Variants in ZSCAN5C observed in about 807,000 individuals in gnomAD.
ZSCAN5C encodes the protein zinc finger and SCAN domain containing 5C.
ZSCAN5C carries 11 observed loss-of-function variants against 17.3 expected under a neutral mutation model. The observed-to-expected ratio is 0.64, with a 90% CI of 0.40 to 1.06. ZSCAN5C has a LOEUF of 1.06. Among genes scored for constraint, ZSCAN5C ranks in the 50% least tolerant of loss-of-function variants. The pLI, the probability that ZSCAN5C is intolerant of heterozygous loss-of-function variation, is 0.00. For synonymous variants in ZSCAN5C, 229 were observed against 208.4 expected, an observed-to-expected ratio of 1.10 and a Z score of -0.85; for missense variants, 698 against 538.9, an observed-to-expected ratio of 1.30 and a Z score of -2.92.
At chr19:56,207,368 A>G (rs2032935104) in intron 3 of ZSCAN5C, 106 bp downstream of exon 3, 4 of 608,632 alleles carry the variant, frequency 6.6e-6, no homozygotes, top group South Asian at 3.9e-5. Flanking sequence ...ACAAGATTAC[A>G]GCCATTCCCC....
chr19:56,208,324 C>T, intron 4 of ZSCAN5C, 125 bp from the exon 5 acceptor site: 2 of 730,186 alleles, frequency 2.7e-6, no homozygotes, highest in East Asian at 2.5e-5. Flanking sequence ...CAGAGACCTA[C>T]AGTCCAATGT....
chr19:56,208,547 G>T lies in ZSCAN5C; in HGVS notation c.838G>T (p.Glu280Ter). ...ACCTTCTGCCTGCGTTGTGGAGAGAGAAGCTTCGACTCACAGCGGGAGCAG... is the reference window on the plus strand; with the variant it reads ...ACCTTCTGCCTGCGTTGTGGAGAGATAAGCTTCGACTCACAGCGGGAGCAG... Residue 280 changes from glutamate (E) to a stop codon, truncating the protein, a stop_gained, in exon 5 of 5, where the codon GAA becomes TAA. Transcript: ENST00000534327. LOFTEE classifies it low-confidence loss of function (END_TRUNC). The T allele has an allele frequency of 6.3e-7, 1 of 1,590,642 alleles. No individual in the cohort carries two copies. Among genetic ancestry groups the T allele is most frequent in the South Asian group, 1.1e-5 (1 of 90,612 alleles).
rs1392825893 is a variant in ZSCAN5C at position 56,205,779 on chromosome 19, C to T, written c.-127-8C>T. 2 of 581,964 alleles carry T rather than the reference C, an allele frequency of 3.4e-6. No homozygotes were observed. Among genetic ancestry groups the T allele is most frequent in the African/African-American group, 3.8e-5 (2 of 53,074 alleles). 36.1% of individuals were successfully genotyped at this position (581,964 alleles called of 1,614,324 possible). A position where few individuals can be genotyped will look rare whatever the true frequency, so the allele number is the denominator to read the frequency against. ...CTTTAACAGAGCTCATGCTTTTTTTCCCTGCAGACTTCTGAATGAACAGTG... is the reference window on the plus strand; with the variant it reads ...CTTTAACAGAGCTCATGCTTTTTTTTCCTGCAGACTTCTGAATGAACAGTG... On this transcript the variant is annotated splice_polypyrimidine_tract_variant and splice_region_variant and intron_variant, in intron 1 of 4. Coordinates refer to ENST00000534327, the Ensembl canonical transcript of ZSCAN5C.
chr19:56,207,978 A>G (rs773334024), intron 3 of ZSCAN5C, 56 bp from the exon 4 acceptor site: 15 of 676,988 alleles, frequency 2.2e-5, no homozygotes, highest in Non-Finnish European at 4.0e-5. Flanking sequence ...AAAAGCAGAC[A>G]TGTCCTTCCA....
At chr19:56,203,640 A>ATTTTTTTT (rs564406569) in intron 1 of ZSCAN5C, among the ~76,000 whole-genome samples, 1 of 86,814 alleles carries the variant, frequency 1.2e-5, no homozygotes, top group Non-Finnish European at 2.1e-5. Flanking sequence ...TCTACTGGGA[A>ATTTTTTTT]TTTTTTTTTT....
intron 2 of ZSCAN5C, among the ~76,000 whole-genome samples, chr19:56,206,625 C>A (rs549505010): frequency 8.6e-5 from 13 of 151,846 alleles, no homozygotes; most frequent in African/African-American, 3.2e-4. Context: ...GACCCACACA[C>A]TGTGTGAGGC....
At chr19:56,202,657 G>A (rs1402097594) in intron 1 of ZSCAN5C, among the ~76,000 whole-genome samples, 1 of 151,898 alleles carries the variant, frequency 6.6e-6, no homozygotes, top group African/African-American at 2.4e-5. Context: ...GGACTCAAAC[G>A]ATCCGCCTGC....
chr19:56,206,958 T>A, intron 2 of ZSCAN5C, 101 bp from the exon 3 acceptor site: 1 of 618,840 alleles, frequency 1.6e-6, no homozygotes, highest in Non-Finnish European at 2.9e-6. Flanking sequence ...GATTTGAACA[T>A]TAATTACAGT....
Position 56,205,796 on chromosome 19 carries a change from T to C in ZSCAN5C, c.-118T>C, listed in dbSNP as rs1322260633. ...CTTTTTTTCCCTGCAGACTTCTGAA[T>C]GAACAGTGAATCTATTACTGAGAAA... On this transcript the variant is annotated 5_prime_UTR_variant, in exon 2 of 5. The change abolishes an upstream ATG in the 5' untranslated region. Coordinates refer to ENST00000534327, the Ensembl canonical transcript of ZSCAN5C. 1.9e-5 allele frequency: 11 copies of C among 591,230 alleles called. No individual in the cohort carries two copies. The highest frequency in any genetic ancestry group is 3.0e-5 in the Non-Finnish European group (10 of 332,428). The allele number at this position is 591,230 out of a possible 1,614,324, so 36.6% of individuals were successfully genotyped here.
chr19:56,203,978 A>T (rs2032896527), intron 1 of ZSCAN5C, among the ~76,000 whole-genome samples: 1 of 151,832 alleles, frequency 6.6e-6, no homozygotes, highest in African/African-American at 2.4e-5. Context: ...ATTATTGTTT[A>T]CATTACCTAC....
chr19:56,206,748 G>T (rs2032925831), intron 2 of ZSCAN5C, among the ~76,000 whole-genome samples: 1 of 151,876 alleles, frequency 6.6e-6, no homozygotes. Context: ...CAGGGAAAGT[G>T]GCTGGTATCA....
chr19:56,203,437 A>G (rs1403503106), intron 1 of ZSCAN5C, among the ~76,000 whole-genome samples: 1 of 151,894 alleles, frequency 6.6e-6, no homozygotes, highest in Non-Finnish European at 1.5e-5. Flanking sequence ...ATTTTTGGTC[A>G]TGAGGATGCT....
At chr19:56,207,093 T>G (rs1415364039) in exon 3 of ZSCAN5C, 1 of 743,724 alleles carries the variant, frequency 1.3e-6, no homozygotes, top group Non-Finnish European at 2.5e-6. Flanking sequence ...GAATATCTTA[T>G]GCAGGAATCA....
At position 56,205,797 on chromosome 19, in the gene ZSCAN5C, G is replaced by T. The variant is rs1447538936; in HGVS notation, c.-117G>T. 2 of 591,644 alleles carry T rather than the reference G, an allele frequency of 3.4e-6. No homozygotes were observed. Among genetic ancestry groups the T allele is most frequent in the Non-Finnish European group, 6.0e-6 (2 of 332,632 alleles). 36.6% of individuals were successfully genotyped at this position (591,644 alleles called of 1,614,324 possible). On this transcript the variant is annotated 5_prime_UTR_variant, in exon 2 of 5. The change abolishes an upstream ATG in the 5' untranslated region. Coordinates refer to ENST00000534327, the Ensembl canonical transcript of ZSCAN5C. ...TTTTTTTCCCTGCAGACTTCTGAAT[G>T]AACAGTGAATCTATTACTGAGAAAA...
rs535992945 is a variant in ZSCAN5C at position 56,206,278 on chromosome 19, A to T, written c.365A>T (p.Asn122Ile). 7 of 1,526,516 alleles carry T rather than the reference A, an allele frequency of 4.6e-6. No homozygotes were observed. The African/African-American group carries it at 9.9e-5, about 22-fold the overall frequency. 94.6% of individuals were successfully genotyped at this position (1,526,516 alleles called of 1,614,324 possible). A position where few individuals can be genotyped will look rare whatever the true frequency, so the allele number is the denominator to read the frequency against. The change falls in exon 2 of 5, where the codon AAC becomes ATC. Residue 122 changes from asparagine to isoleucine, a missense_variant. Transcript: ENST00000534327. ...GACCTGGAGGACCTGCTACGAAATA[A>T]CAGAAGACCCAAGAAATGGGTGAGT... is the stretch of plus-strand genomic sequence containing the variant.
At position 56,203,615 on chromosome 19, in the gene ZSCAN5C, C is replaced by T. The variant is rs189159574; in HGVS notation, c.-128+1293C>T. Reference sequence around the variant, plus strand: ...TAGCCCTGTTAACCACCATTCTACTCACTGCTACTATGAGTCTACTGGGAA... The same window carrying T: ...TAGCCCTGTTAACCACCATTCTACTTACTGCTACTATGAGTCTACTGGGAA... On this transcript the variant is annotated intron_variant, in intron 1 of 4. Transcript: ENST00000534327. Among the ~76,000 whole-genome samples the T allele has an allele frequency of 3.3e-5, 5 of 150,764 alleles. 1 individual carries two copies. Among genetic ancestry groups the T allele is most frequent in the African/African-American group, 1.2e-4 (5 of 40,720 alleles).
At chr19:56,205,320 G>A (rs1456507267) in intron 1 of ZSCAN5C, among the ~76,000 whole-genome samples, 1 of 151,836 alleles carries the variant, frequency 6.6e-6, no homozygotes, top group Non-Finnish European at 1.5e-5. Context: ...CCCTTCTCTG[G>A]AGCGAATAAT....
At chr19:56,205,736 G>A (rs1468268438) in intron 1 of ZSCAN5C, 51 bp from the exon 2 acceptor site, 4 of 570,420 alleles carry the variant, frequency 7.0e-6, no homozygotes, top group African/African-American at 3.8e-5. Context: ...TGGAAGGATG[G>A]GGTGGGTAGA....
chr19:56,208,061 A>G (rs748885026), exon 4 of ZSCAN5C: 1 of 752,708 alleles, frequency 1.3e-6, no homozygotes, highest in Non-Finnish European at 2.5e-6. Flanking sequence ...GCCAGAGACT[A>G]CTGTCATGAA....
Sources: gnomAD v4.1 joint callset for allele counts (sites outside exome capture counted in the v4.1 genomes callset) on GRCh38, gnomAD v4.1.1 for gene constraint, MANE v1.5 for transcripts, NCBI Gene and HGNC (gene_info 2026-07-23, HGNC 2026-07-21) for gene names.